Variants in AUNIP observed in about 807,000 individuals in gnomAD.
AUNIP encodes aurora kinase A- and ninein-interacting protein.
Under a neutral mutation model 12.2 loss-of-function variants are expected in AUNIP, and 16 were observed. That is an observed-to-expected ratio of 1.31 (90% CI 0.88 to 1.99). The LOEUF (loss-of-function observed/expected upper bound fraction) is 1.99. Among genes scored for constraint, AUNIP ranks in the 30% most tolerant of loss-of-function variants. The pLI, the probability that AUNIP is intolerant of heterozygous loss-of-function variation, is 0.00. For missense variants in AUNIP, 411 were observed against 419.1 expected (o/e 0.98, Z 0.17); for synonymous variants, 142 against 154.8 (o/e 0.92, Z 0.61).
At chr1:25,837,969 G>A (rs1182922562) in intron 1 of AUNIP, among the ~76,000 whole-genome samples, 9 of 152,150 alleles carry the variant, frequency 5.9e-5, no homozygotes, top group Admixed American at 6.5e-5. Context: ...GGCCGGGCGC[G>A]GTGGCTCACG....
chr1:25,846,694 G>A (rs1168658398), intron 1 of AUNIP, among the ~76,000 whole-genome samples: 1 of 152,166 alleles, frequency 6.6e-6, no homozygotes, highest in Non-Finnish European at 1.5e-5. Context: ...CTCCAGCCTG[G>A]GCAGCTAAGC....
chr1:25,858,742 C>A (rs1157642225), intron 1 of AUNIP, among the ~76,000 whole-genome samples: 1 of 152,168 alleles, frequency 6.6e-6, no homozygotes, highest in Non-Finnish European at 1.5e-5. Flanking sequence ...TATCCGGCAC[C>A]CAGTGACTGC....
At chr1:25,852,353 C>T (rs2048428945) in intron 1 of AUNIP, among the ~76,000 whole-genome samples, 1 of 151,830 alleles carries the variant, frequency 6.6e-6, no homozygotes, top group African/African-American at 2.4e-5. Flanking sequence ...TTTATTTTCA[C>T]TCTAAATTGT....
At position 25,835,669 on chromosome 1, in the gene AUNIP, G is replaced by A. The variant is rs200879396; in HGVS notation, c.398C>T (p.Ser133Phe). 7 of 1,614,102 alleles carry A rather than the reference G, an allele frequency of 4.3e-6. No homozygotes were observed. The highest frequency in any genetic ancestry group is 5.1e-6 in the Non-Finnish European group (6 of 1,180,042). The change falls in exon 3 of 3, where the codon TCT becomes TTT. Residue 133 changes from serine to phenylalanine, a missense_variant. By Grantham distance (155) the Ser-to-Phe change is radical (BLOSUM62 -2). Transcript: ENST00000374298. ...TTADIQEAGLSPQSLQTSGHH... is the reference protein window; with the variant it reads ...TTADIQEAGLFPQSLQTSGHH... ...GCCAGAAGTCTGGAGGGACTGAGGAGAGAGTCCAGCTTCCTGGATGTCTGC... is the reference window on the plus strand; with the variant it reads ...GCCAGAAGTCTGGAGGGACTGAGGAAAGAGTCCAGCTTCCTGGATGTCTGC...
intron 1 of AUNIP, among the ~76,000 whole-genome samples, 166 bp downstream of exon 1, chr1:25,859,114 A>G (rs2048485984): frequency 6.6e-6 from 1 of 151,554 alleles, no homozygotes; most frequent in Admixed American, 6.6e-5. Context: ...CCGTTTTTCA[A>G]CCTTCTTCAG....
At chr1:25,857,517 AG>A (rs1280690211) in intron 1 of AUNIP, among the ~76,000 whole-genome samples, 3 of 149,984 alleles carry the variant, frequency 2.0e-5, no homozygotes, top group Non-Finnish European at 3.0e-5. Flanking sequence ...CCAAAGTACT[AG>A]GATTACAGGC....
chr1:25,844,187 A>G (rs918778909), intron 1 of AUNIP, among the ~76,000 whole-genome samples: 1 of 151,918 alleles, frequency 6.6e-6, no homozygotes, highest in African/African-American at 2.4e-5. Context: ...GCTCACTGCA[A>G]CCTCCACCTC....
Position 25,843,608 on chromosome 1 carries a change from AAAAAAAAAAAAAAAAG to A in AUNIP, c.79-6070_79-6055del, listed in dbSNP as rs1229017647. On this transcript the variant is annotated intron_variant, in intron 1 of 2. Transcript: ENST00000374298. ...CCTGTCTGTTTGAAAAAAAAAAAAA[AAAAAAAAAAAAAAAAG>A]GGATTCATGATTCATGGGAGGAGGT... Among the ~76,000 whole-genome samples, 8 of 149,282 alleles carry A rather than the reference AAAAAAAAAAAAAAAAG, an allele frequency of 5.4e-5. No individual in the cohort carries two copies. The South Asian group carries it at 1.5e-3, about 27-fold the overall frequency.
rs2048391027 is a variant in AUNIP at position 25,847,344 on chromosome 1, C to T, written c.79-9790G>A. On this transcript the variant is annotated intron_variant, in intron 1 of 2. Coordinates refer to ENST00000374298, the MANE Select transcript of AUNIP (RefSeq NM_024037.3). This position sits in a 1 kb window ranked among gnomAD's most constrained non-coding sequence, Gnocchi z 4.2. ...TAGCGCGATATTGGCTCACCACAAC[C>T]TCTGCTTCCTAGGTTCAAGTGATTC... 6.6e-6 allele frequency among the ~76,000 whole-genome samples: 1 copy of T among 152,184 alleles called. No homozygotes were observed. The highest frequency in any genetic ancestry group is 1.5e-5 in the Non-Finnish European group (1 of 68,024).
chr1:25,851,635 G>C (rs1229282121), intron 1 of AUNIP, among the ~76,000 whole-genome samples: 1 of 152,186 alleles, frequency 6.6e-6, no homozygotes, highest in African/African-American at 2.4e-5. Context: ...ATTTCTTCTT[G>C]AGGCAAGTTT....
At chr1:25,852,584 C>T (rs1438987982) in intron 1 of AUNIP, among the ~76,000 whole-genome samples, 3 of 151,496 alleles carry the variant, frequency 2.0e-5, no homozygotes, top group East Asian at 1.9e-4. Flanking sequence ...GGATTACAGG[C>T]GCCTGCCACC....
chr1:25,857,468 C>T (rs1182300192), intron 1 of AUNIP, among the ~76,000 whole-genome samples: 2 of 149,554 alleles, frequency 1.3e-5, no homozygotes, highest in East Asian at 2.1e-4. Flanking sequence ...AGGCCGGTCT[C>T]GAACTCCTGA....
rs776788672 is a variant in AUNIP at position 25,834,980 on chromosome 1, A to G, written c.*13T>C. 4.6e-5 allele frequency: 73 copies of G among 1,591,434 alleles called. No homozygotes were observed. The highest frequency in any genetic ancestry group is 5.9e-5 in the Non-Finnish European group (69 of 1,168,882). On this transcript the variant is annotated 3_prime_UTR_variant, in exon 3 of 3. Coordinates refer to ENST00000374298, the MANE Select transcript of AUNIP (RefSeq NM_024037.3). The stretch of plus-strand genomic sequence containing the variant: ...TCATTTCAAGGTACTTTTAGAAACA[A>G]AGCTTCAAACATTTAGAATTGGTGT...
At position 25,859,444 on chromosome 1, in the gene AUNIP, G is replaced by T; in HGVS notation, c.-87C>A. On this transcript the variant is annotated 5_prime_UTR_variant, in exon 1 of 3. Transcript: ENST00000374298. ...CCAGAACCGCGGCCGCCGACGTTCG[G>T]ATCTCGCGCCAACGCTGGGGGCGGG... 7.9e-7 allele frequency: 1 copy of T among 1,262,330 alleles called. No homozygotes were observed. Among genetic ancestry groups the T allele is most frequent in the Non-Finnish European group, 1.0e-6 (1 of 961,656 alleles). 78.2% of individuals were successfully genotyped at this position (1,262,330 alleles called of 1,614,324 possible). A position where few individuals can be genotyped will look rare whatever the true frequency, so the allele number is the denominator to read the frequency against.
intron 1 of AUNIP, among the ~76,000 whole-genome samples, chr1:25,854,039 C>T (rs1022861561): frequency 3.9e-5 from 6 of 152,018 alleles, no homozygotes; most frequent in South Asian, 2.1e-4. Context: ...GGTAAAACCC[C>T]GTCTGTACTA....
downstream of AUNIP, chr1:25,832,207 C>T (rs772316363): frequency 7.2e-6 from 11 of 1,521,274 alleles, 1 homozygote; most frequent in South Asian, 1.3e-4. Context: ...CAAACCCTAG[C>T]AGAAGCTAAG....
chr1:25,847,585 C>T lies in AUNIP; in HGVS notation c.79-10031G>A, dbSNP rs181657537. On this transcript the variant is annotated intron_variant, in intron 1 of 2. Coordinates refer to ENST00000374298, the MANE Select transcript of AUNIP (RefSeq NM_024037.3). This position sits in a 1 kb window ranked among gnomAD's most constrained non-coding sequence, Gnocchi z 4.2. ...CGACCTTAAAAAACATTTAAGCAAT[C>T]CCCTACTAAGCCTATTTAGGTCCTT... Among the ~76,000 whole-genome samples the T allele has an allele frequency of 3.0e-4, 46 of 152,146 alleles. No homozygotes were observed. The East Asian group carries it at 8.7e-3, about 29-fold the overall frequency.
chr1:25,858,416 A>G (rs941829207), intron 1 of AUNIP, among the ~76,000 whole-genome samples: 1 of 152,180 alleles, frequency 6.6e-6, no homozygotes, highest in African/African-American at 2.4e-5. Flanking sequence ...TCTTGCCCCT[A>G]GTGTCTGTTT....
chr1:25,842,706 G>C (rs1251994610), intron 1 of AUNIP, among the ~76,000 whole-genome samples: 1 of 152,164 alleles, frequency 6.6e-6, no homozygotes, highest in African/African-American at 2.4e-5. Context: ...TTAAAGCCAA[G>C]GCTCACCTAA....
Sources: allele counts gnomAD v4.1 joint callset (sites outside exome capture counted in the v4.1 genomes callset), GRCh38; gene constraint gnomAD v4.1.1; non-coding constraint Gnocchi (gnomAD v3.1); transcripts MANE v1.5; gene names NCBI Gene and HGNC (gene_info 2026-07-23, HGNC 2026-07-21).